The following EBF1 variants were observed in gnomAD, a reference collection of about 807,000 sequenced individuals.
The protein encoded by EBF1 is EBF transcription factor 1, also known as transcription factor COE1.
In EBF1, 10 loss-of-function variants were observed where a neutral mutation model predicts 68.4. That is an observed-to-expected ratio of 0.15 (90% confidence interval 0.09 to 0.25). The LOEUF (loss-of-function observed/expected upper bound fraction) is 0.25. Ranked by LOEUF, EBF1 falls within the 10% of genes least tolerant of loss-of-function variation. EBF1 has a pLI of 1.00. For synonymous variants in EBF1, 298 were observed against 299.8 expected, an observed-to-expected ratio of 0.99 and a Z score of 0.06; for missense variants, 509 against 794.4, an observed-to-expected ratio of 0.64 and a Z score of 4.32.
intron 11 of EBF1, among the ~76,000 whole-genome samples, chr5:158,720,588 T>G (rs1761732457): frequency 6.6e-6 from 1 of 152,194 alleles, no homozygotes; most frequent in African/African-American, 2.4e-5. Context: ...TTTTTCATTT[T>G]TCTTGTAATA....
At chr5:159,070,727 G>A (rs1397736544) in intron 6 of EBF1, among the ~76,000 whole-genome samples, 2 of 152,228 alleles carry the variant, frequency 1.3e-5, no homozygotes, top group East Asian at 1.9e-4. Flanking sequence ...AAATCCTAAC[G>A]CAAGGATGGC....
At chr5:158,771,435 T>C (rs956767796) in intron 10 of EBF1, among the ~76,000 whole-genome samples, 3 of 152,124 alleles carry the variant, frequency 2.0e-5, no homozygotes, top group African/African-American at 7.2e-5. Context: ...AGGGACAGAT[T>C]CTTAATTAAC....
At chr5:158,867,330 ATCT>A (rs755853746) in intron 6 of EBF1, among the ~76,000 whole-genome samples, 8 of 152,176 alleles carry the variant, frequency 5.3e-5, no homozygotes, top group Non-Finnish European at 1.2e-4. Flanking sequence ...AATAATCTAT[ATCT>A]TCTTCTAAGC....
chr5:158,883,422 G>GTATA (rs34191014), intron 6 of EBF1, among the ~76,000 whole-genome samples: 130 of 144,264 alleles, frequency 9.0e-4, no homozygotes, highest in East Asian at 3.4e-3. Flanking sequence ...ACATACATAC[G>GTATA]TATATATATA....
At chr5:158,892,907 AT>A (rs145916486) in intron 6 of EBF1, among the ~76,000 whole-genome samples, 48,772 of 151,744 alleles carry the variant, frequency 0.32, 8,584 homozygotes, top group South Asian at 0.58. Context: ...TTTTACTTTG[AT>A]TTTTTTTCTA....
At chr5:158,772,657 C>A (rs1297347768) in intron 10 of EBF1, among the ~76,000 whole-genome samples, 1 of 152,096 alleles carries the variant, frequency 6.6e-6, no homozygotes, top group Non-Finnish European at 1.5e-5. Context: ...TTACTTGTTT[C>A]TTTAAACTGA....
chr5:159,065,676 C>T (rs1776665246), intron 6 of EBF1, among the ~76,000 whole-genome samples: 1 of 151,594 alleles, frequency 6.6e-6, no homozygotes. Flanking sequence ...ACAACCTTTA[C>T]ATGAACCAAA....
At chr5:158,898,132 CA>C in intron 6 of EBF1, among the ~76,000 whole-genome samples, 1 of 152,252 alleles carries the variant, frequency 6.6e-6, no homozygotes, top group African/African-American at 2.4e-5. Flanking sequence ...GTCTTTAAAA[CA>C]TTTTTTTTAA....
chr5:159,045,631 G>T (rs967898610), intron 6 of EBF1, among the ~76,000 whole-genome samples: 8 of 152,102 alleles, frequency 5.3e-5, no homozygotes, highest in African/African-American at 1.9e-4. Flanking sequence ...CTTAATGAAT[G>T]ATTCAAATAG....
chr5:159,004,672 C>G (rs10057038), intron 6 of EBF1, among the ~76,000 whole-genome samples: 1 of 152,080 alleles, frequency 6.6e-6, no homozygotes, highest in Non-Finnish European at 1.5e-5. Flanking sequence ...CCATGTTTCC[C>G]TACTAGCTGC....
intron 6 of EBF1, among the ~76,000 whole-genome samples, chr5:158,856,368 T>C (rs182141286): frequency 1.3e-5 from 2 of 152,218 alleles, no homozygotes; most frequent in African/African-American, 4.8e-5. Context: ...AAGATAATGA[T>C]GATAAATTGT....
intron 8 of EBF1, among the ~76,000 whole-genome samples, chr5:158,807,698 C>A (rs1781842191): frequency 6.6e-6 from 1 of 152,106 alleles, no homozygotes; most frequent in South Asian, 2.1e-4. Flanking sequence ...TAATCATGGC[C>A]AATTCTGCTC....
At chr5:158,734,263 T>C (rs762204278) in intron 10 of EBF1, among the ~76,000 whole-genome samples, 2 of 152,180 alleles carry the variant, frequency 1.3e-5, no homozygotes, top group African/African-American at 4.8e-5. Flanking sequence ...TTTTCCACAA[T>C]GAACATATAT....
At chr5:158,805,963 T>A (rs1468259856) in intron 8 of EBF1, among the ~76,000 whole-genome samples, 2 of 152,150 alleles carry the variant, frequency 1.3e-5, no homozygotes, top group African/African-American at 4.8e-5. Flanking sequence ...AGGCATGTTT[T>A]TTTTTGCTGG....
intron 6 of EBF1, among the ~76,000 whole-genome samples, chr5:158,968,217 T>C (rs1270459290): frequency 6.6e-6 from 1 of 152,210 alleles, no homozygotes; most frequent in Non-Finnish European, 1.5e-5. Flanking sequence ...AGTGAACTAA[T>C]GATCCTATTT....
intron 6 of EBF1, among the ~76,000 whole-genome samples, chr5:158,888,168 A>T (rs1342510348): frequency 6.6e-6 from 1 of 152,204 alleles, no homozygotes; most frequent in Non-Finnish European, 1.5e-5. Flanking sequence ...ATATATTGAC[A>T]GTTACCACCA....
intron 9 of EBF1, among the ~76,000 whole-genome samples, chr5:158,794,381 A>G (rs1192044243): frequency 6.6e-6 from 1 of 152,228 alleles, no homozygotes; most frequent in Admixed American, 6.5e-5. Flanking sequence ...AATCCAAGTT[A>G]CATGCTAACC....
chr5:158,823,378 C>T (rs1785296497), intron 7 of EBF1, 61 bp from the exon 8 acceptor site: 2 of 1,504,072 alleles, frequency 1.3e-6, no homozygotes, highest in African/African-American at 1.4e-5. Flanking sequence ...GGGTAATAAA[C>T]TCAAGTTAAA....
chr5:158,865,631 CGTGTT>C (rs1191344099), intron 6 of EBF1, among the ~76,000 whole-genome samples: 1 of 152,048 alleles, frequency 6.6e-6, no homozygotes, highest in Non-Finnish European at 1.5e-5. Context: ...TTTGTTGTGC[CGTGTT>C]GTGTTGTGTT....
Sources: gnomAD v4.1 joint callset for allele counts (sites outside exome capture counted in the v4.1 genomes callset) on GRCh38, gnomAD v4.1.1 for gene constraint, MANE v1.5 for transcripts, NCBI Gene and HGNC (gene_info 2026-07-23, HGNC 2026-07-21) for gene names.